MAP3K4: variants seen among roughly 807,000 people sequenced by gnomAD.
MAP3K4 encodes mitogen-activated protein kinase kinase kinase 4, also known as MAP three kinase 1.
MAP3K4 carries 67 observed loss-of-function variants against 185.6 expected under a neutral mutation model. The ratio of observed to expected loss-of-function variants is 0.36; its 90% CI spans 0.30 to 0.44. The LOEUF (loss-of-function observed/expected upper bound fraction) is 0.44. Ranked by LOEUF, MAP3K4 falls within the 20% of genes least tolerant of loss-of-function variation. The pLI is 1.00. For missense variants in MAP3K4, 1,551 were observed against 1,995.1 expected (o/e 0.78, Z 4.24); for synonymous variants, 702 against 710.4 (o/e 0.99, Z 0.19).
chr6:161,033,900 G>T (rs1024314208), intron 1 of MAP3K4, among the ~76,000 whole-genome samples: 1 of 152,166 alleles, frequency 6.6e-6, no homozygotes, highest in African/African-American at 2.4e-5. Flanking sequence ...TTTTAGTTCT[G>T]TCTGATTTGT....
chr6:161,041,912 CTTTTTTTTTTTTTCT>C (rs1290805895), intron 2 of MAP3K4, among the ~76,000 whole-genome samples: 4 of 64,046 alleles, frequency 6.2e-5, no homozygotes, highest in Admixed American at 2.1e-4. Context: ...GTTATTGTTT[CTTTTTTTTTTTTTCT>C]TTTTTTTTTT....
In MAP3K4 at chr6:161,063,389, C is replaced by T. The variant is rs1291332525; in HGVS notation, c.1708-7219C>T. The stretch of plus-strand genomic sequence containing the variant: ...TCTCTCTGCTTATGGTAACCTTGTG[C>T]TAGATTCTACTACAGTTCTTTTCTG... On this transcript the variant is annotated intron_variant, in intron 3 of 26. Coordinates refer to ENST00000392142, the MANE Select transcript of MAP3K4 (RefSeq NM_005922.4). The surrounding 1 kb of genome is among the most constrained non-coding windows in gnomAD (Gnocchi z 5.4). 6.6e-6 allele frequency among the ~76,000 whole-genome samples: 1 copy of T among 152,074 alleles called. No homozygotes were observed. Among genetic ancestry groups the T allele is most frequent in the African/African-American group, 2.4e-5 (1 of 41,398 alleles).
rs1224952015 is a variant in MAP3K4 at position 161,107,803 on chromosome 6, C to T, written c.4049-96C>T. 7 of 806,168 alleles carry T rather than the reference C, an allele frequency of 8.7e-6. No homozygotes were observed. The highest frequency in any genetic ancestry group is 3.3e-5 in the South Asian group (2 of 61,346). The allele number at this position is 806,168 out of a possible 1,614,324, so 49.9% of individuals were successfully genotyped here. A position where few individuals can be genotyped will look rare whatever the true frequency, so the allele number is the denominator to read the frequency against. ...ACATAATTATAGATATATAAATATA[C>T]GTCCAAAATAATTGGACAGTATTAT... On this transcript the variant is annotated intron_variant, in intron 20 of 26. Transcript: ENST00000392142. This position sits in a 1 kb window ranked among gnomAD's most constrained non-coding sequence, Gnocchi z 6.2.
intron 1 of MAP3K4, among the ~76,000 whole-genome samples, chr6:161,004,578 A>AAATG (rs1781487286): frequency 6.6e-6 from 1 of 152,228 alleles, no homozygotes; most frequent in Admixed American, 6.5e-5. Context: ...TTTTAGGTGC[A>AAATG]AATGATATTT....
Position 161,048,554 on chromosome 6 carries a change from T to C in MAP3K4, c.344-62T>C. 1.8e-6 allele frequency: 2 copies of C among 1,119,348 alleles called. No individual in the cohort carries two copies. The highest frequency in any genetic ancestry group is 2.5e-6 in the Non-Finnish European group (2 of 799,802). 69.3% of individuals were successfully genotyped at this position (1,119,348 alleles called of 1,614,324 possible). On this transcript the variant is annotated intron_variant, in intron 2 of 26. Coordinates refer to ENST00000392142, the MANE Select transcript of MAP3K4 (RefSeq NM_005922.4). This position sits in a 1 kb window ranked among gnomAD's most constrained non-coding sequence, Gnocchi z 4.7. ...GTGTGAATACCAGTTTTATTGAAAATATTGAGAGTAGCTTCATATTTTAGA... is the reference window on the plus strand; with the variant it reads ...GTGTGAATACCAGTTTTATTGAAAACATTGAGAGTAGCTTCATATTTTAGA...
At chr6:161,081,857 C>G (rs1785476194) in intron 6 of MAP3K4, among the ~76,000 whole-genome samples, 1 of 152,172 alleles carries the variant, frequency 6.6e-6, no homozygotes, top group African/African-American at 2.4e-5. Context: ...TTTATTTTTT[C>G]TGTATCCCTT....
chr6:160,995,697 A>G (rs1323120156), intron 1 of MAP3K4, among the ~76,000 whole-genome samples: 2 of 152,182 alleles, frequency 1.3e-5, no homozygotes, highest in African/African-American at 4.8e-5. Context: ...AACATTGCTT[A>G]TCATTTCTTT....
Position 161,091,890 on chromosome 6 carries a change from G to A in MAP3K4, c.3136-120G>A. The A allele has an allele frequency of 1.2e-6, 1 of 843,196 alleles. No homozygotes were observed. Among genetic ancestry groups the A allele is most frequent in the Non-Finnish European group, 1.8e-6 (1 of 543,010 alleles). The allele number at this position is 843,196 out of a possible 1,614,324, so 52.2% of individuals were successfully genotyped here. ...AATTCTTCATACTATTCAAAATATA[G>A]AAATTTTAATTGGATTTCACTTTTT... On this transcript the variant is annotated intron_variant, in intron 12 of 26. Coordinates refer to ENST00000392142, the MANE Select transcript of MAP3K4 (RefSeq NM_005922.4). This position sits in a 1 kb window ranked among gnomAD's most constrained non-coding sequence, Gnocchi z 5.5.
At chr6:160,997,773 G>A (rs1781074409) in intron 1 of MAP3K4, among the ~76,000 whole-genome samples, 1 of 152,184 alleles carries the variant, frequency 6.6e-6, no homozygotes, top group African/African-American at 2.4e-5. Flanking sequence ...TATTGGAGCT[G>A]CCCTCTTCTT....
intron 1 of MAP3K4, chr6:160,992,294 G>A (rs1780756365): frequency 6.7e-6 from 4 of 595,882 alleles, no homozygotes; most frequent in Non-Finnish European, 1.1e-5. Flanking sequence ...TTGCAGCTCC[G>A]CAGGGTTCCG....
At chr6:161,055,929 A>G (rs930902358) in intron 3 of MAP3K4, among the ~76,000 whole-genome samples, 2 of 152,212 alleles carry the variant, frequency 1.3e-5, no homozygotes, top group Non-Finnish European at 2.9e-5. Context: ...AAGGGGGAGT[A>G]TCTAATGTAT....
Position 161,041,912 on chromosome 6 carries a change from CTTTTTTTTTTTTTCTTTT to C in MAP3K4, c.344-6693_344-6676del, listed in dbSNP as rs1290805895. On this transcript the variant is annotated intron_variant, in intron 2 of 26. Coordinates refer to ENST00000392142, the MANE Select transcript of MAP3K4 (RefSeq NM_005922.4). The stretch of plus-strand genomic sequence containing the variant: ...GGGTAAAGGCCTTGAGTTATTGTTT[CTTTTTTTTTTTTTCTTTT>C]TTTTTTTTTTAGAGATGGGGTCTCG... Among the ~76,000 whole-genome samples the C allele has an allele frequency of 7.8e-5, 5 of 64,046 alleles. No individual in the cohort carries two copies. The South Asian group carries it at 2.5e-3, about 32-fold the overall frequency. 42.0% of individuals were successfully genotyped at this position (64,046 alleles called of 152,430 possible).
rs1784240173 is a variant in MAP3K4, at chr6:161,056,502, C to G, written c.1707+6523C>G. Among the ~76,000 whole-genome samples the G allele has an allele frequency of 6.6e-6, 1 of 152,186 alleles. No homozygotes were observed. Among genetic ancestry groups the G allele is most frequent in the Non-Finnish European group, 1.5e-5 (1 of 68,032 alleles). ...GCTCTGATTCAGCACAAGGTTCATT[C>G]CGACTTTCCTCCCTTGCTTATCTGT... On this transcript the variant is annotated intron_variant, in intron 3 of 26. Coordinates refer to ENST00000392142, the MANE Select transcript of MAP3K4 (RefSeq NM_005922.4). The surrounding 1 kb of genome is among the most constrained non-coding windows in gnomAD (Gnocchi z 5.4).
At chr6:161,020,667 A>C (rs1228821551) in intron 1 of MAP3K4, among the ~76,000 whole-genome samples, 2 of 151,228 alleles carry the variant, frequency 1.3e-5, no homozygotes, top group South Asian at 4.1e-4. Context: ...AAAAAAAAAA[A>C]AAAAAAACAA....
intron 1 of MAP3K4, among the ~76,000 whole-genome samples, chr6:160,994,659 G>A (rs1208671179): frequency 2.0e-5 from 3 of 152,078 alleles, no homozygotes; most frequent in Admixed American, 1.3e-4. Context: ...ACTCAGTAGT[G>A]GGATTGCTGG....
rs1317043214 is a variant in MAP3K4 at position 161,101,995 on chromosome 6, G to A, written c.3775+3G>A. 6.2e-7 allele frequency: 1 copy of A among 1,612,990 alleles called. No homozygotes were observed. Among genetic ancestry groups the A allele is most frequent in the East Asian group, 2.2e-5 (1 of 44,884 alleles). ...AAGCCCCACGGAGGAGCGAGATGGT[G>A]AGTGTTTTAAGGTGTTAGCTGCATT... is the stretch of plus-strand genomic sequence containing the variant. On this transcript the variant is annotated splice_donor_region_variant and intron_variant, in intron 18 of 26. Transcript: ENST00000392142. This position sits in a 1 kb window ranked among gnomAD's most constrained non-coding sequence, Gnocchi z 5.1.
At position 161,053,535 on chromosome 6, in the gene MAP3K4, A is replaced by T. The variant is rs1213246349; in HGVS notation, c.1707+3556A>T. Among the ~76,000 whole-genome samples, 1 of 152,212 alleles carries T rather than the reference A, an allele frequency of 6.6e-6. No individual in the cohort carries two copies. Among genetic ancestry groups the T allele is most frequent in the Non-Finnish European group, 1.5e-5 (1 of 68,048 alleles). On this transcript the variant is annotated intron_variant, in intron 3 of 26. Transcript: ENST00000392142. This position sits in a 1 kb window ranked among gnomAD's most constrained non-coding sequence, Gnocchi z 4.2. ...CTTTTAACCTCTGCCAAATAATTGT[A>T]CATTTTAAGGGCATACATTTTAGGC...
chr6:161,113,353 G>C (rs1449743117), intron 25 of MAP3K4, among the ~76,000 whole-genome samples: 3 of 152,190 alleles, frequency 2.0e-5, no homozygotes, highest in African/African-American at 4.8e-5. Context: ...AAAGATGAGT[G>C]GTTGCCAGGG....
intron 1 of MAP3K4, among the ~76,000 whole-genome samples, chr6:161,016,892 G>A (rs1167014863): frequency 6.6e-6 from 1 of 152,096 alleles, no homozygotes; most frequent in South Asian, 2.1e-4. Flanking sequence ...TTGCATGGAT[G>A]GTTTAAAGTA....
Sources: gnomAD v4.1 joint callset for allele counts (sites outside exome capture counted in the v4.1 genomes callset) on GRCh38, gnomAD v4.1.1 for gene constraint, Gnocchi (gnomAD v3.1) non-coding constraint, MANE v1.5 for transcripts, NCBI Gene and HGNC (gene_info 2026-07-23, HGNC 2026-07-21) for gene names.